The following TLL2 variants were observed in gnomAD, a reference collection of about 807,000 sequenced individuals.
TLL2 encodes tolloid-like protein 2.
TLL2 carries 106 observed loss-of-function variants against 123.0 expected under a neutral mutation model. The observed-to-expected ratio is 0.86, with a 90% CI of 0.74 to 1.01. TLL2 has a LOEUF of 1.01. TLL2 is among the 50% of genes least tolerant of loss of function. The pLI is 0.00. For synonymous variants in TLL2, 494 were observed against 516.8 expected, an observed-to-expected ratio of 0.96 and a Z score of 0.60; for missense variants, 1,332 against 1,336.7, an observed-to-expected ratio of 1.00 and a Z score of 0.06.
At chr10:96,460,539 A>T (rs374283980) in intron 2 of TLL2, among the ~76,000 whole-genome samples, 1 of 152,110 alleles carries the variant, frequency 6.6e-6, no homozygotes, top group South Asian at 2.1e-4. Flanking sequence ...ATGGGGGCAG[A>T]CTTCCCCCTT....
chr10:96,471,674 T>C (rs920618285), intron 2 of TLL2, among the ~76,000 whole-genome samples: 3 of 152,148 alleles, frequency 2.0e-5, no homozygotes, highest in African/African-American at 7.2e-5. Flanking sequence ...AAGGAATGAG[T>C]TGCCCTGAGT....
intron 19 of TLL2, chr10:96,373,093 A>G (rs1472089973): frequency 1.3e-5 from 2 of 153,832 alleles, no homozygotes; most frequent in East Asian, 3.9e-4. Context: ...TCAATTAAGG[A>G]CATTGAAAGA....
At chr10:96,453,407 G>C (rs1181175391) in intron 2 of TLL2, among the ~76,000 whole-genome samples, 1 of 152,056 alleles carries the variant, frequency 6.6e-6, no homozygotes, top group African/African-American at 2.4e-5. Flanking sequence ...AGTGAGCTGA[G>C]ATCACACCAC....
chr10:96,506,074 A>G (rs945852523), intron 1 of TLL2, among the ~76,000 whole-genome samples: 2 of 151,810 alleles, frequency 1.3e-5, no homozygotes, highest in African/African-American at 4.8e-5. Context: ...CAACCTGGGG[A>G]AACCCTGTCT....
At chr10:96,411,471 C>G (rs905993197) in intron 8 of TLL2, among the ~76,000 whole-genome samples, 3 of 152,026 alleles carry the variant, frequency 2.0e-5, no homozygotes, top group Non-Finnish European at 4.4e-5. Flanking sequence ...GCTATTCTGC[C>G]CTTGAATGTT....
chr10:96,397,293 C>T lies in TLL2; in HGVS notation c.1277G>A (p.Cys426Tyr), dbSNP rs749715191. 3 of 1,611,956 alleles carry T rather than the reference C, an allele frequency of 1.9e-6. No homozygotes were observed. Among genetic ancestry groups the T allele is most frequent in the African/African-American group, 1.3e-5 (1 of 74,816 alleles). The change falls in exon 11 of 21, where the codon TGT becomes TAT. Residue 426 changes from cysteine (C) to tyrosine (Y), a missense_variant. Physicochemically the swap from Cys to Tyr is radical, Grantham distance 194 (BLOSUM62 -2). Coordinates refer to ENST00000357947, the MANE Select transcript of TLL2 (RefSeq NM_012465.4). ...GAGGGGCTCCGGGATCTTATCGCCA[C>T]AAAACCTGCCTGGAAAGTGGAAAAA... ...WRKAPLLGRFCGDKIPEPLVS... is the reference protein window; with the variant it reads ...WRKAPLLGRFYGDKIPEPLVS...
intron 1 of TLL2, among the ~76,000 whole-genome samples, chr10:96,499,522 G>C (rs2134113508): frequency 6.6e-6 from 1 of 152,290 alleles, no homozygotes; most frequent in East Asian, 1.9e-4. Flanking sequence ...ACTGGACCCT[G>C]ATGGACACAG....
chr10:96,445,002 A>C (rs1301914922), intron 3 of TLL2, among the ~76,000 whole-genome samples: 1 of 152,170 alleles, frequency 6.6e-6, no homozygotes, highest in Non-Finnish European at 1.5e-5. Context: ...ATCCTGGCTA[A>C]CACGGTGAAA....
At chr10:96,510,457 C>T (rs927965494) in intron 1 of TLL2, among the ~76,000 whole-genome samples, 3 of 152,176 alleles carry the variant, frequency 2.0e-5, no homozygotes, top group Non-Finnish European at 2.9e-5. Flanking sequence ...TGTCTATTAG[C>T]AAATTTAAAT....
chr10:96,395,720 T>C (rs1177646866), intron 12 of TLL2, among the ~76,000 whole-genome samples, 155 bp downstream of exon 12: 1 of 152,216 alleles, frequency 6.6e-6, no homozygotes, highest in Non-Finnish European at 1.5e-5. Flanking sequence ...TGCATAGATG[T>C]TGATGTCAGA....
At chr10:96,393,656 T>C (rs1846310423) in intron 13 of TLL2, among the ~76,000 whole-genome samples, 1 of 152,028 alleles carries the variant, frequency 6.6e-6, no homozygotes, top group Non-Finnish European at 1.5e-5. Flanking sequence ...CAACTAAGGC[T>C]GTCATATCTT....
intron 2 of TLL2, among the ~76,000 whole-genome samples, chr10:96,447,646 G>C (rs1846911519): frequency 6.6e-6 from 1 of 152,178 alleles, no homozygotes. Context: ...CAAAGACTAT[G>C]TCCAGGAGAG....
At position 96,378,270 on chromosome 10, in the gene TLL2, C is replaced by T. The variant is rs901723193; in HGVS notation, c.2320+697G>A. On this transcript the variant is annotated intron_variant, in intron 17 of 20. Coordinates refer to ENST00000357947, the MANE Select transcript of TLL2 (RefSeq NM_012465.4). ...ACCCTTGACTTCCTTTGCAGGGTTT[C>T]GTGGCTGGAGCCAAGGCCTGGAAGC... 2.1e-4 allele frequency among the ~76,000 whole-genome samples: 32 copies of T among 152,236 alleles called. 1 individual carries two copies. Among genetic ancestry groups the T allele is most frequent in the African/African-American group, 7.5e-4 (31 of 41,466 alleles).
At chr10:96,424,746 C>T (rs867308790) in intron 5 of TLL2, among the ~76,000 whole-genome samples, 27 of 148,222 alleles carry the variant, frequency 1.8e-4, no homozygotes, top group Middle Eastern at 3.4e-3. Context: ...TGTTAGTTCT[C>T]ATTTGACTTT....
At chr10:96,482,215 G>T (rs1423664462) in intron 1 of TLL2, among the ~76,000 whole-genome samples, 1 of 149,862 alleles carries the variant, frequency 6.7e-6, no homozygotes, top group South Asian at 2.1e-4. Flanking sequence ...CCGAGATCGC[G>T]CCACTGCACT....
intron 1 of TLL2, among the ~76,000 whole-genome samples, chr10:96,511,094 G>A (rs1417454032): frequency 1.3e-5 from 2 of 152,204 alleles, no homozygotes; most frequent in Non-Finnish European, 2.9e-5. Context: ...GGGACAGTGG[G>A]AGGTGTTTTA....
At chr10:96,479,588 A>T (rs1218608101) in intron 2 of TLL2, among the ~76,000 whole-genome samples, 1 of 152,242 alleles carries the variant, frequency 6.6e-6, no homozygotes, top group African/African-American at 2.4e-5. Flanking sequence ...GGTGGGCTGC[A>T]GAGAGCAGTG....
At chr10:96,372,613 G>GA (rs1438140988) in intron 19 of TLL2, among the ~76,000 whole-genome samples, 6 of 152,152 alleles carry the variant, frequency 3.9e-5, no homozygotes, top group Non-Finnish European at 8.8e-5. Flanking sequence ...TTGAATGGAA[G>GA]AAAAAATCAC....
intron 8 of TLL2, 123 bp downstream of exon 8, chr10:96,413,069 A>G: frequency 7.2e-7 from 1 of 1,387,206 alleles, no homozygotes; most frequent in South Asian, 1.5e-5. Context: ...TACCAGAAGG[A>G]CACCAGAAAT....
Sources: allele counts gnomAD v4.1 joint callset (sites outside exome capture counted in the v4.1 genomes callset), GRCh38; gene constraint gnomAD v4.1.1; transcripts MANE v1.5; gene names NCBI Gene and HGNC (gene_info 2026-07-23, HGNC 2026-07-21).